Variants in PAPLN observed in about 807,000 individuals in gnomAD.
PAPLN encodes the protein papilin.
A neutral mutation model predicts 159.0 loss-of-function variants in PAPLN; 146 were observed. The observed-to-expected ratio is 0.92, with a 90% CI of 0.80 to 1.05. The LOEUF is 1.05. Ranked by LOEUF, PAPLN falls within the 50% of genes least tolerant of loss-of-function variation. PAPLN has a pLI of 0.00. For synonymous variants in PAPLN, 734 were observed against 702.9 expected, an observed-to-expected ratio of 1.04 and a Z score of -0.70; for missense variants, 1,720 against 1,743.9, an observed-to-expected ratio of 0.99 and a Z score of 0.24.
chr14:73,259,106 G>A (rs1280229642), intron 15 of PAPLN, 47 bp downstream of exon 15: 1 of 1,573,788 alleles, frequency 6.4e-7, no homozygotes, highest in Non-Finnish European at 8.6e-7. Flanking sequence ...TAGTTTTTGT[G>A]TCTGAGTGGA....
chr14:73,258,625 A>T (rs1886196311), intron 14 of PAPLN, among the ~76,000 whole-genome samples: 2 of 149,310 alleles, frequency 1.3e-5, no homozygotes, highest in Non-Finnish European at 1.5e-5. Context: ...CTCTAAAAAA[A>T]AAAAAAAAAA....
chr14:73,259,953 C>T (rs546297103), intron 16 of PAPLN, among the ~76,000 whole-genome samples: 13 of 152,204 alleles, frequency 8.5e-5, no homozygotes, highest in Admixed American at 5.9e-4. Context: ...GGAATGGGTC[C>T]GAGTCATCCC....
chr14:73,264,833 C>T, intron 22 of PAPLN, 107 bp downstream of exon 22: 2 of 1,544,228 alleles, frequency 1.3e-6, no homozygotes, highest in South Asian at 1.2e-5. Context: ...CTTGCCAGCC[C>T]CTGCTCAGGG....
chr14:73,262,952 G>A, intron 19 of PAPLN, 125 bp downstream of exon 19: 1 of 929,538 alleles, frequency 1.1e-6, no homozygotes, highest in Non-Finnish European at 1.5e-6. Flanking sequence ...TCTCCCGAGA[G>A]CCCTGCCTGG....
chr14:73,250,115 G>A lies in PAPLN; in HGVS notation c.465+1G>A, dbSNP rs746502330. On this transcript the variant is annotated splice_donor_variant, in intron 6 of 26. Transcript: ENST00000644200. LOFTEE classifies it high-confidence loss of function. The stretch of plus-strand genomic sequence containing the variant: ...TGTCTGTGTGGATGGCAGCTGCCGG[G>A]TGAGTGGTGCCCCAGCCCCTCCCTG... 1.9e-6 allele frequency: 3 copies of A among 1,605,284 alleles called. No individual in the cohort carries two copies. The highest frequency in any genetic ancestry group is 1.3e-5 in the African/African-American group (1 of 74,820).
intron 5 of PAPLN, among the ~76,000 whole-genome samples, chr14:73,248,558 C>G (rs1028424885): frequency 6.6e-6 from 1 of 152,142 alleles, no homozygotes; most frequent in Non-Finnish European, 1.5e-5. Context: ...AATCCCAGCA[C>G]TTTGGGAGGC....
intron 15 of PAPLN, 53 bp downstream of exon 15, chr14:73,259,112 G>A (rs1886261804): frequency 1.3e-6 from 2 of 1,572,304 alleles, no homozygotes; most frequent in South Asian, 1.2e-5. Flanking sequence ...TTGTGTCTGA[G>A]TGGATGGTAC....
In PAPLN at chr14:73,246,077, G is replaced by A; in HGVS notation, c.236G>A (p.Cys79Tyr). ...GACTTCCCCTCCGCCCCGCAGAGCTGCCCCGACGGCGCCCGGGACTTCCGG... is the reference window on the plus strand; with the variant it reads ...GACTTCCCCTCCGCCCCGCAGAGCTACCCCGACGGCGCCCGGGACTTCCGG... ...RSHRSCRTESCPDGARDFRAE... is the reference protein window; with the variant it reads ...RSHRSCRTESYPDGARDFRAE... The change falls in exon 5 of 27, where the codon TGC (cysteine) becomes TAC (tyrosine). Residue 79 changes from cysteine (C) to tyrosine (Y), a missense_variant. Transcript: ENST00000644200. The A allele has an allele frequency of 6.4e-7, 1 of 1,551,530 alleles. No individual in the cohort carries two copies. Among genetic ancestry groups the A allele is most frequent in the Non-Finnish European group, 8.7e-7 (1 of 1,153,076 alleles).
Position 73,250,124 on chromosome 14 carries a change from G to A in PAPLN, c.465+10G>A. The A allele has an allele frequency of 6.3e-7, 1 of 1,599,596 alleles. No individual in the cohort carries two copies. The highest frequency in any genetic ancestry group is 8.5e-7 in the Non-Finnish European group (1 of 1,173,432). On this transcript the variant is annotated intron_variant, in intron 6 of 26. Coordinates refer to ENST00000644200, the MANE Select transcript of PAPLN (RefSeq NM_001365906.3). ...GGATGGCAGCTGCCGGGTGAGTGGT[G>A]CCCCAGCCCCTCCCTGCCTCCGGGC...
Position 73,265,045 on chromosome 14 carries a change from G to A in PAPLN, c.3125+319G>A, listed in dbSNP as rs74603638. 6.6e-6 allele frequency among the ~76,000 whole-genome samples: 1 copy of A among 152,182 alleles called. No individual in the cohort carries two copies. Among genetic ancestry groups the A allele is most frequent in the Non-Finnish European group, 1.5e-5 (1 of 68,028 alleles). On this transcript the variant is annotated intron_variant, in intron 22 of 26. Transcript: ENST00000644200. This position sits in a 1 kb window ranked among gnomAD's most constrained non-coding sequence, Gnocchi z 4.1. ...AGGAATGGTTCAGTTTACAGAGGGG[G>A]TGTGGAGGACCGGAGGGGGTGCCCA...
intron 1 of PAPLN, among the ~76,000 whole-genome samples, 180 bp downstream of exon 1, chr14:73,237,772 C>T (rs946702911): frequency 5.3e-5 from 8 of 152,060 alleles, no homozygotes; most frequent in African/African-American, 1.9e-4. Context: ...GGTCATCGCT[C>T]GGCACCGCGC....
Position 73,265,493 on chromosome 14 carries a change from T to C in PAPLN, c.3249T>C (p.Pro1083=), listed in dbSNP as rs765188323. 1 of 1,613,894 alleles carries C rather than the reference T, an allele frequency of 6.2e-7. No individual in the cohort carries two copies. The part of the protein sequence containing the change: ...PAIEWQRDGQ[P]VSSPRHQLQP... The stretch of plus-strand genomic sequence containing the variant: ...TCGAGTGGCAGAGAGATGGGCAGCC[T>C]GTCTCTTCTCCCAGGTTTATTTGAC... Residue 1083 remains proline, a synonymous_variant, in exon 23 of 27, where the codon CCT becomes CCC. Transcript: ENST00000644200. This position sits in a 1 kb window ranked among gnomAD's most constrained non-coding sequence, Gnocchi z 4.1.
chr14:73,252,894 C>T lies in PAPLN; in HGVS notation c.1094+119C>T, dbSNP rs552797045. 43 of 1,486,502 alleles carry T rather than the reference C, an allele frequency of 2.9e-5. No individual in the cohort carries two copies. The African/African-American group carries it at 4.0e-4, about 14-fold the overall frequency. The allele number at this position is 1,486,502 out of a possible 1,614,324, so 92.1% of individuals were successfully genotyped here. A position where few individuals can be genotyped will look rare whatever the true frequency, so the allele number is the denominator to read the frequency against. On this transcript the variant is annotated intron_variant, in intron 11 of 26. Transcript: ENST00000644200. ...AGAGGTGGGGGTCCAGGGCCCCCCA[C>T]GCTGTGGCTGGGGTGTGGGAGAGGT...
intron 14 of PAPLN, among the ~76,000 whole-genome samples, chr14:73,255,878 C>T (rs1471677718): frequency 3.3e-5 from 5 of 152,200 alleles, no homozygotes; most frequent in Non-Finnish European, 7.3e-5. Flanking sequence ...AGTTGTGTGG[C>T]CTTGGGCAAG....
intron 2 of PAPLN, chr14:73,243,385 C>T (rs1016172508): frequency 6.6e-6 from 1 of 152,142 alleles, no homozygotes; most frequent in Non-Finnish European, 1.5e-5. Flanking sequence ...AAAGAAAGTC[C>T]CCTTCCAGCA....
chr14:73,268,576 G>A lies in PAPLN; in HGVS notation c.3520G>A (p.Ala1174Thr). 6.2e-7 allele frequency: 1 copy of A among 1,613,240 alleles called. No individual in the cohort carries two copies. Among genetic ancestry groups the A allele is most frequent in the South Asian group, 1.1e-5 (1 of 90,962 alleles). The stretch of plus-strand genomic sequence containing the variant: ...CTCCAGGAACGGGCTACCTGTGCAG[G>A]CTGATGGCCACCGTGTCCACCAGTC... Reference protein sequence around the residue: ...RWSRNGLPVQADGHRVHQSPD... With the variant: ...RWSRNGLPVQTDGHRVHQSPD... The change falls in exon 26 of 27, where the codon GCT becomes ACT. Residue 1174 changes from alanine to threonine, a missense_variant. Transcript: ENST00000644200.
Position 73,260,783 on chromosome 14 carries a change from G to T in PAPLN, c.2060G>T (p.Gly687Val). 1.3e-6 allele frequency: 2 copies of T among 1,493,350 alleles called. No homozygotes were observed. The highest frequency in any genetic ancestry group is 1.4e-5 in the African/African-American group (1 of 70,532). The allele number at this position is 1,493,350 out of a possible 1,614,324, so 92.5% of individuals were successfully genotyped here. ...HHAGCTKSYG[G>V]DSTGGMPRSR... ...GCTGGCTGCACAAAGTCGTATGGTG[G>T]TGACAGCACCGGGGGCATGCCCAGG... The change falls in exon 17 of 27, where the codon GGT becomes GTT. Residue 687 changes from glycine to valine, a missense_variant. Transcript: ENST00000644200.
intron 25 of PAPLN, among the ~76,000 whole-genome samples, chr14:73,267,430 A>AG (rs1010883087): frequency 3.9e-5 from 6 of 152,244 alleles, no homozygotes; most frequent in African/African-American, 1.4e-4. Flanking sequence ...ACTCCCGGGC[A>AG]GATGGCCCAG....
chr14:73,246,091 C>G lies in PAPLN; in HGVS notation c.250C>G (p.Arg84Gly). Residue 84 changes from arginine (R) to glycine (G), a missense_variant, in exon 5 of 27, where the codon CGG becomes GGG. Transcript: ENST00000644200. ...CCCGCAGAGCTGCCCCGACGGCGCC[C>G]GGGACTTCCGGGCCGAGCAGTGCGC... ...CRTESCPDGA[R>G]DFRAEQCAEF... is the part of the protein sequence containing the mutation. 5.7e-6 allele frequency: 9 copies of G among 1,571,124 alleles called. No homozygotes were observed. Among genetic ancestry groups the G allele is most frequent in the Non-Finnish European group, 7.7e-6 (9 of 1,162,048 alleles).
Sources: gnomAD v4.1 joint callset for allele counts (sites outside exome capture counted in the v4.1 genomes callset) on GRCh38, gnomAD v4.1.1 for gene constraint, Gnocchi (gnomAD v3.1) non-coding constraint, MANE v1.5 for transcripts, NCBI Gene and HGNC (gene_info 2026-07-23, HGNC 2026-07-21) for gene names.